The following VPS13B variants were observed in gnomAD, a reference collection of about 807,000 sequenced individuals.
The protein encoded by VPS13B is intermembrane lipid transfer protein VPS13B.
In VPS13B, 285 loss-of-function variants were observed where a neutral mutation model predicts 426.4. The observed-to-expected ratio is 0.67, with a 90% confidence interval of 0.61 to 0.74. The LOEUF (loss-of-function observed/expected upper bound fraction) is 0.74. Among genes scored for constraint, VPS13B ranks in the 30% least tolerant of loss-of-function variants. The pLI, the probability that VPS13B is intolerant of heterozygous loss-of-function variation, is 0.00. For synonymous variants in VPS13B, 1,676 were observed against 1,676.4 expected (o/e 1.00, Z 0.01); for missense variants, 4,537 against 4,782.6 (o/e 0.95, Z 1.51).
intron 19 of VPS13B, among the ~76,000 whole-genome samples, chr8:99,301,597 C>G (rs1053857291): frequency 6.7e-6 from 1 of 150,224 alleles, no homozygotes; most frequent in Non-Finnish European, 1.5e-5. Flanking sequence ...GCCAAGAGTC[C>G]CATCTTGTTT....
chr8:99,207,627 A>G (rs932409781), intron 17 of VPS13B, among the ~76,000 whole-genome samples: 2 of 152,234 alleles, frequency 1.3e-5, no homozygotes, highest in Non-Finnish European at 2.9e-5. Flanking sequence ...TCTTACAGAA[A>G]GTCTTTTATG....
Position 99,170,235 on chromosome 8 carries a change from A to G in VPS13B, c.2333+72A>G, listed in dbSNP as rs1023874177. 1.9e-5 allele frequency: 29 copies of G among 1,545,570 alleles called. No homozygotes were observed. The African/African-American group carries it at 2.3e-4, about 12-fold the overall frequency. On this transcript the variant is annotated intron_variant, in intron 16 of 61. Coordinates refer to ENST00000357162, the MANE Select transcript of VPS13B (RefSeq NM_152564.5). Reference sequence around the variant, plus strand: ...TAGGAGGGAAAAAACCCCCAAATGTATCTGTCTTATGCCCATGCTAGTTTT... The same window carrying G: ...TAGGAGGGAAAAAACCCCCAAATGTGTCTGTCTTATGCCCATGCTAGTTTT...
chr8:99,685,420 C>A (rs889542169), intron 35 of VPS13B, among the ~76,000 whole-genome samples: 1 of 152,186 alleles, frequency 6.6e-6, no homozygotes, highest in African/African-American at 2.4e-5. Context: ...CTGGGGGCTC[C>A]TGGAAAGAAT....
chr8:99,711,883 A>G (rs761259636), intron 36 of VPS13B, among the ~76,000 whole-genome samples: 11 of 152,240 alleles, frequency 7.2e-5, no homozygotes, highest in Non-Finnish European at 1.2e-4. Context: ...ACATGCCTAC[A>G]TAAATATCAA....
intron 35 of VPS13B, among the ~76,000 whole-genome samples, chr8:99,679,440 A>G (rs761059857): frequency 1.3e-5 from 2 of 152,168 alleles, no homozygotes; most frequent in Non-Finnish European, 2.9e-5. Flanking sequence ...CTATAATTAG[A>G]ACTTTTGTGT....
At chr8:99,391,473 C>T (rs1814445245) in intron 20 of VPS13B, 84 bp from the exon 21 acceptor site, 1 of 1,601,850 alleles carries the variant, frequency 6.2e-7, no homozygotes, top group East Asian at 2.2e-5. Flanking sequence ...GGACTGTCCT[C>T]AGTATTGCCA....
intron 8 of VPS13B, among the ~76,000 whole-genome samples, chr8:99,123,181 G>A (rs1248579820): frequency 2.0e-5 from 3 of 151,136 alleles, no homozygotes; most frequent in African/African-American, 7.3e-5. Context: ...GAGGAATAGT[G>A]AGTGCTTTCA....
intron 19 of VPS13B, among the ~76,000 whole-genome samples, chr8:99,325,025 G>C (rs1373370221): frequency 6.6e-6 from 1 of 152,040 alleles, no homozygotes; most frequent in South Asian, 2.1e-4. Flanking sequence ...AGGTAGGCTA[G>C]CATTATTGTT....
chr8:99,168,447 A>G (rs551684768), intron 15 of VPS13B, among the ~76,000 whole-genome samples: 2 of 152,228 alleles, frequency 1.3e-5, no homozygotes, highest in East Asian at 3.9e-4. Flanking sequence ...TTAGTTGAGC[A>G]TAGGTAATAT....
chr8:99,102,754 C>T (rs1296776083), intron 4 of VPS13B, among the ~76,000 whole-genome samples, 199 bp from the exon 5 acceptor site: 1 of 152,020 alleles, frequency 6.6e-6, no homozygotes, highest in Non-Finnish European at 1.5e-5. Context: ...TTGATAATGA[C>T]GTTTGTTGGG....
At chr8:99,228,064 C>T (rs1167026369) in intron 17 of VPS13B, among the ~76,000 whole-genome samples, 1 of 152,018 alleles carries the variant, frequency 6.6e-6, no homozygotes, top group Non-Finnish European at 1.5e-5. Context: ...ATTTGAATTT[C>T]TAAATTGTTC....
intron 25 of VPS13B, among the ~76,000 whole-genome samples, chr8:99,497,253 TTATG>T (rs931968755): frequency 4.8e-4 from 69 of 142,824 alleles, no homozygotes; most frequent in African/African-American, 1.4e-3. Flanking sequence ...ATGTATGTAT[TTATG>T]TATCATATAT....
intron 25 of VPS13B, among the ~76,000 whole-genome samples, chr8:99,499,581 G>T (rs929994401): frequency 2.0e-5 from 3 of 152,072 alleles, no homozygotes; most frequent in African/African-American, 7.2e-5. Context: ...TCTGGAATTA[G>T]TTTATGCTTT....
intron 59 of VPS13B, 106 bp from the exon 60 acceptor site, chr8:99,870,679 G>A: frequency 1.0e-6 from 1 of 976,602 alleles, no homozygotes; most frequent in Non-Finnish European, 1.6e-6. Context: ...ACATCATTTT[G>A]GATCTGTAAC....
chr8:99,446,918 A>G (rs1345977079), intron 23 of VPS13B, among the ~76,000 whole-genome samples: 1 of 152,172 alleles, frequency 6.6e-6, no homozygotes, highest in Non-Finnish European at 1.5e-5. Flanking sequence ...CACTTATTGA[A>G]TAGCACTTTT....
chr8:99,506,637 T>A (rs1465849679), intron 27 of VPS13B, among the ~76,000 whole-genome samples: 1 of 152,144 alleles, frequency 6.6e-6, no homozygotes, highest in Non-Finnish European at 1.5e-5. Context: ...GCAGGGGGAT[T>A]ACTTGAGCCC....
intron 44 of VPS13B, among the ~76,000 whole-genome samples, chr8:99,813,474 C>A (rs556433792): frequency 6.6e-6 from 1 of 152,316 alleles, no homozygotes; most frequent in Non-Finnish European, 1.5e-5. Flanking sequence ...TCAGAGTTTT[C>A]AAATGTTTAT....
At chr8:99,474,376 C>A (rs1488851043) in intron 24 of VPS13B, among the ~76,000 whole-genome samples, 3 of 151,720 alleles carry the variant, frequency 2.0e-5, no homozygotes, top group Non-Finnish European at 4.4e-5. Flanking sequence ...TTTGTAGAGA[C>A]AGGGTTTCAC....
Position 99,818,901 on chromosome 8 carries a change from T to C in VPS13B, c.8621+13T>C. ...CATTCCAAGCAAGGTACTAGAAAAATCCTTCCATACATTTTACATTTTCCT... is the reference window on the plus strand; with the variant it reads ...CATTCCAAGCAAGGTACTAGAAAAACCCTTCCATACATTTTACATTTTCCT... On this transcript the variant is annotated intron_variant, in intron 47 of 61. Coordinates refer to ENST00000357162, the MANE Select transcript of VPS13B (RefSeq NM_152564.5). 7.2e-7 allele frequency: 1 copy of C among 1,393,318 alleles called. No individual in the cohort carries two copies. The allele number at this position is 1,393,318 out of a possible 1,614,324, so 86.3% of individuals were successfully genotyped here.
Sources: gnomAD v4.1 joint callset for allele counts (sites outside exome capture counted in the v4.1 genomes callset) on GRCh38, gnomAD v4.1.1 for gene constraint, MANE v1.5 for transcripts, NCBI Gene and HGNC (gene_info 2026-07-23, HGNC 2026-07-21) for gene names.